Variants in PATJ observed in about 807,000 individuals in gnomAD.
PATJ encodes PATJ crumbs cell polarity complex component, also known as inaD-like protein.
A neutral mutation model predicts 224.9 loss-of-function variants in PATJ; 190 were observed. The observed-to-expected ratio is 0.84, with a 90% CI of 0.75 to 0.95. PATJ has a LOEUF of 0.95. Among genes scored for constraint, PATJ ranks in the 40% least tolerant of loss-of-function variants. The pLI, the probability that PATJ is intolerant of heterozygous loss-of-function variation, is 0.00. For missense variants in PATJ, 2,121 were observed against 2,270.3 expected, an observed-to-expected ratio of 0.93 and a Z score of 1.34; for synonymous variants, 769 against 820.3, an observed-to-expected ratio of 0.94 and a Z score of 1.07.
At chr1:62,090,515 G>A (rs1182517983) in intron 33 of PATJ, among the ~76,000 whole-genome samples, 1 of 152,118 alleles carries the variant, frequency 6.6e-6, no homozygotes, top group African/African-American at 2.4e-5. Context: ...AGCCAGAAAA[G>A]AGTAGAGCCA....
intron 17 of PATJ, among the ~76,000 whole-genome samples, chr1:61,844,148 G>A (rs1430603533): frequency 2.0e-5 from 3 of 152,192 alleles, no homozygotes; most frequent in African/African-American, 7.2e-5. Context: ...TAGCAATGGT[G>A]AAAGTAAGAC....
intron 33 of PATJ, among the ~76,000 whole-genome samples, chr1:62,093,248 CT>C (rs780779829): frequency 2.0e-5 from 3 of 152,138 alleles, no homozygotes; most frequent in Admixed American, 6.5e-5. Context: ...TAAAGAATAC[CT>C]GTTCTTTAGC....
chr1:61,813,362 T>TATATATATATATAC (rs1655295735), intron 14 of PATJ, among the ~76,000 whole-genome samples: 3 of 45,842 alleles, frequency 6.5e-5, no homozygotes, highest in African/African-American at 2.7e-4. Context: ...TATATATATA[T>TATATATATATATAC]ATATATATAT....
chr1:62,097,530 C>T (rs978370907), intron 33 of PATJ, among the ~76,000 whole-genome samples: 8 of 152,060 alleles, frequency 5.3e-5, no homozygotes, highest in Non-Finnish European at 8.8e-5. Context: ...GTGGAGAGAC[C>T]ACGTGGAGGG....
intron 27 of PATJ, among the ~76,000 whole-genome samples, chr1:61,945,812 G>A (rs1268031372): frequency 6.6e-6 from 1 of 152,190 alleles, no homozygotes; most frequent in Non-Finnish European, 1.5e-5. Context: ...CCACATAGTT[G>A]AAAGTAAAGC....
intron 31 of PATJ, among the ~76,000 whole-genome samples, chr1:62,074,263 C>T (rs1657924072): frequency 6.6e-6 from 1 of 151,238 alleles, no homozygotes; most frequent in African/African-American, 2.4e-5. Flanking sequence ...TGCTAAATGA[C>T]AAGTTAATGG....
At chr1:61,878,250 G>A (rs534708767) in intron 21 of PATJ, among the ~76,000 whole-genome samples, 12 of 152,296 alleles carry the variant, frequency 7.9e-5, no homozygotes, top group African/African-American at 2.6e-4. Context: ...TGTCCTCAGT[G>A]AGGGGGAGGC....
intron 27 of PATJ, among the ~76,000 whole-genome samples, chr1:61,963,334 C>T (rs757020990): frequency 4.0e-5 from 6 of 151,892 alleles, no homozygotes; most frequent in Non-Finnish European, 8.8e-5. Flanking sequence ...GTGGCTCACA[C>T]CTGTAATCCC....
chr1:61,749,408 G>A (rs999709620), intron 1 of PATJ, among the ~76,000 whole-genome samples: 11 of 152,166 alleles, frequency 7.2e-5, no homozygotes, highest in African/African-American at 2.6e-4. Context: ...TAAACCCTGA[G>A]TCTCTGATTT....
intron 14 of PATJ, among the ~76,000 whole-genome samples, chr1:61,817,596 G>A (rs543394175): frequency 4.7e-4 from 71 of 152,278 alleles, no homozygotes; most frequent in Admixed American, 4.6e-3. Flanking sequence ...GACAGGCGGT[G>A]GTTGCAGTGA....
intron 17 of PATJ, among the ~76,000 whole-genome samples, chr1:61,841,639 A>G (rs546372692): frequency 1.4e-5 from 2 of 140,828 alleles, no homozygotes; most frequent in East Asian, 4.2e-4. Flanking sequence ...CACGTCACCC[A>G]TATAAGATAT....
intron 31 of PATJ, among the ~76,000 whole-genome samples, chr1:62,057,920 A>G (rs1490193049): frequency 6.6e-6 from 1 of 152,236 alleles, no homozygotes; most frequent in African/African-American, 2.4e-5. Context: ...ACTGCATAAC[A>G]GCAGTGGGCT....
chr1:61,811,807 A>G (rs944311116), intron 14 of PATJ, among the ~76,000 whole-genome samples: 11 of 151,326 alleles, frequency 7.3e-5, no homozygotes, highest in Admixed American at 3.3e-4. Context: ...CACGCCTGTA[A>G]TCCCAGCACT....
chr1:61,773,740 T>C (rs892917351), intron 6 of PATJ, among the ~76,000 whole-genome samples: 11 of 151,648 alleles, frequency 7.3e-5, no homozygotes, highest in African/African-American at 9.7e-5. Context: ...TGAGCTATTA[T>C]GCCACTGTAC....
chr1:61,845,112 G>A (rs192524808), intron 17 of PATJ, among the ~76,000 whole-genome samples: 7 of 152,240 alleles, frequency 4.6e-5, no homozygotes, highest in South Asian at 2.1e-4. Flanking sequence ...GTCTTCGAAC[G>A]TATTCCTTAT....
intron 11 of PATJ, among the ~76,000 whole-genome samples, chr1:61,797,901 C>T (rs1205286647): frequency 1.3e-5 from 2 of 151,308 alleles, no homozygotes; most frequent in African/African-American, 4.9e-5. Context: ...CTCCTGGGTT[C>T]AAGTGATTCT....
intron 30 of PATJ, 118 bp downstream of exon 30, chr1:62,038,167 C>A: frequency 1.7e-6 from 1 of 583,850 alleles, no homozygotes; most frequent in South Asian, 3.4e-5. Flanking sequence ...GAAAATTTCC[C>A]TAACCAAAAT....
At chr1:62,068,047 G>A (rs879601182) in intron 31 of PATJ, among the ~76,000 whole-genome samples, 1 of 152,036 alleles carries the variant, frequency 6.6e-6, no homozygotes, top group African/African-American at 2.4e-5. Context: ...CACCCACCTC[G>A]GCCTTACACA....
At chr1:61,864,883 T>C (rs1046537279) in intron 20 of PATJ, among the ~76,000 whole-genome samples, 2 of 152,190 alleles carry the variant, frequency 1.3e-5, no homozygotes, top group Non-Finnish European at 2.9e-5. Context: ...TTGCTTTGCT[T>C]TTTTAGTGAT....
Sources: gnomAD v4.1 joint callset for allele counts (sites outside exome capture counted in the v4.1 genomes callset) on GRCh38, gnomAD v4.1.1 for gene constraint, MANE v1.5 for transcripts, NCBI Gene and HGNC (gene_info 2026-07-23, HGNC 2026-07-21) for gene names.